Variants in ACVR2A observed in about 807,000 individuals in gnomAD.
ACVR2A encodes activin A receptor type 2A.
ACVR2A carries 7 observed loss-of-function variants against 61.4 expected under a neutral mutation model. That is an observed-to-expected ratio of 0.11 (90% confidence interval 0.06 to 0.21). ACVR2A has a LOEUF of 0.21. Ranked by LOEUF, ACVR2A falls within the 10% of genes least tolerant of loss-of-function variation. ACVR2A has a pLI of 1.00. For synonymous variants in ACVR2A, 193 were observed against 208.3 expected, an observed-to-expected ratio of 0.93 and a Z score of 0.63; for missense variants, 322 against 621.7, an observed-to-expected ratio of 0.52 and a Z score of 5.13.
At chr2:147,878,042 T>G (rs1686203657) in intron 1 of ACVR2A, among the ~76,000 whole-genome samples, 1 of 152,196 alleles carries the variant, frequency 6.6e-6, no homozygotes. Flanking sequence ...TTTTTTCCAT[T>G]AAATTATGAG....
intron 1 of ACVR2A, among the ~76,000 whole-genome samples, chr2:147,861,266 A>T (rs1466004109): frequency 6.6e-6 from 1 of 152,216 alleles, no homozygotes; most frequent in Non-Finnish European, 1.5e-5. Context: ...CAGTATATTT[A>T]TTGAGAAACT....
chr2:147,877,211 A>T (rs1686180976), intron 1 of ACVR2A, among the ~76,000 whole-genome samples: 2 of 152,052 alleles, frequency 1.3e-5, no homozygotes, highest in African/African-American at 4.8e-5. Flanking sequence ...ACTAGTAAGA[A>T]TTTTTTTGTC....
chr2:147,860,904 A>G (rs1244366007), intron 1 of ACVR2A, among the ~76,000 whole-genome samples: 4 of 152,150 alleles, frequency 2.6e-5, no homozygotes, highest in African/African-American at 9.7e-5. Flanking sequence ...CTGTATTATA[A>G]TATCTTGTTA....
At chr2:147,922,263 G>C (rs1687399257) in intron 8 of ACVR2A, among the ~76,000 whole-genome samples, 4 of 151,980 alleles carry the variant, frequency 2.6e-5, no homozygotes, top group African/African-American at 9.7e-5. Context: ...TTTTAGTCTA[G>C]AGTAGAGATT....
At chr2:147,877,197 G>T (rs1316587792) in intron 1 of ACVR2A, among the ~76,000 whole-genome samples, 1 of 152,020 alleles carries the variant, frequency 6.6e-6, no homozygotes, top group African/African-American at 2.4e-5. Flanking sequence ...TCTTTCAGTG[G>T]CCCACTAGTA....
Position 147,928,377 on chromosome 2 carries a change from TGTC to T in ACVR2A, c.*1106_*1108del, listed in dbSNP as rs1163105265. On this transcript the variant is annotated 3_prime_UTR_variant, in exon 11 of 11. Transcript: ENST00000241416. ...ACTGTTTTAGGATCACCTCAGGAAGTGTCGTTACCCAGAATTCCCCACTGTCTG... is the reference window on the plus strand; with the variant it reads ...ACTGTTTTAGGATCACCTCAGGAAGTGTTACCCAGAATTCCCCACTGTCTG... 2.0e-5 allele frequency: 3 copies of T among 152,292 alleles called. No homozygotes were observed. Among genetic ancestry groups the T allele is most frequent in the East Asian group, 3.9e-4 (2 of 5,164 alleles). The allele number at this position is 152,292 out of a possible 1,614,324, so 9.4% of individuals were successfully genotyped here.
chr2:147,924,131 A>C (rs377744602), intron 9 of ACVR2A, among the ~76,000 whole-genome samples: 1 of 152,112 alleles, frequency 6.6e-6, no homozygotes, highest in African/African-American at 2.4e-5. Flanking sequence ...CTTTAGGAAG[A>C]AGCGTTAAGA....
At chr2:147,926,446 G>GA (rs1200578777) in intron 10 of ACVR2A, among the ~76,000 whole-genome samples, 1 of 151,944 alleles carries the variant, frequency 6.6e-6, no homozygotes, top group East Asian at 1.9e-4. Context: ...GCCAGACTCG[G>GA]AAACTGTGGA....
chr2:147,880,885 C>G (rs1686281798), intron 1 of ACVR2A, among the ~76,000 whole-genome samples: 2 of 152,152 alleles, frequency 1.3e-5, no homozygotes, highest in South Asian at 4.1e-4. Context: ...TCAAAGTGTC[C>G]TGCCCAGGGG....
chr2:147,899,269 T>C (rs1686817000), intron 2 of ACVR2A, 189 bp from the exon 3 acceptor site: 1 of 418,830 alleles, frequency 2.4e-6, no homozygotes, highest in Non-Finnish European at 4.1e-6. Flanking sequence ...GTTAATTTTT[T>C]TTTCTTAAGA....
intron 1 of ACVR2A, among the ~76,000 whole-genome samples, chr2:147,860,261 A>G (rs1201919565): frequency 1.3e-5 from 2 of 152,066 alleles, no homozygotes; most frequent in Non-Finnish European, 2.9e-5. Flanking sequence ...TAATATAATC[A>G]TGTCTTTAGC....
chr2:147,914,409 T>C (rs1687198747), intron 4 of ACVR2A, among the ~76,000 whole-genome samples: 1 of 152,010 alleles, frequency 6.6e-6, no homozygotes, highest in Admixed American at 6.6e-5. Context: ...TTCCTATTTA[T>C]ATATTATGTT....
chr2:147,911,503 G>A (rs1422288228), intron 4 of ACVR2A, among the ~76,000 whole-genome samples: 1 of 151,854 alleles, frequency 6.6e-6, no homozygotes, highest in African/African-American at 2.4e-5. Flanking sequence ...GATATGAATC[G>A]TAATTTCTTT....
At chr2:147,894,958 A>G (rs1289161462) in intron 1 of ACVR2A, among the ~76,000 whole-genome samples, 1 of 152,116 alleles carries the variant, frequency 6.6e-6, no homozygotes, top group African/African-American at 2.4e-5. Context: ...ATTTTTTTCA[A>G]TAAGTATGTT....
chr2:147,908,600 C>T (rs1355763965), intron 4 of ACVR2A, among the ~76,000 whole-genome samples: 1 of 152,144 alleles, frequency 6.6e-6, no homozygotes, highest in African/African-American at 2.4e-5. Flanking sequence ...ATTGTCCTCG[C>T]ATATACTGTA....
At chr2:147,906,155 C>G (rs552995544) in intron 4 of ACVR2A, among the ~76,000 whole-genome samples, 1 of 152,170 alleles carries the variant, frequency 6.6e-6, no homozygotes, top group South Asian at 2.1e-4. Flanking sequence ...CTTGTTCTTT[C>G]ATTCCTAGTT....
At chr2:147,920,129 A>AT in intron 7 of ACVR2A, 101 bp from the exon 8 acceptor site, 1 of 730,188 alleles carries the variant, frequency 1.4e-6, no homozygotes, top group Non-Finnish European at 2.3e-6. Flanking sequence ...TTAAGTAACT[A>AT]TTTTTTCATA....
At position 147,845,126 on chromosome 2, in the gene ACVR2A, C is replaced by T; in HGVS notation, c.-27C>T. The T allele has an allele frequency of 6.2e-7, 1 of 1,606,542 alleles. No individual in the cohort carries two copies. Among genetic ancestry groups the T allele is most frequent in the South Asian group, 1.1e-5 (1 of 90,914 alleles). On this transcript the variant is annotated 5_prime_UTR_variant, in exon 1 of 11. Transcript: ENST00000241416. ...GAACTGGATATCTAGCGAGAACTTC[C>T]TCCGGATTCCCCGGCGCCTCGGGAA...
chr2:147,916,985 A>G (rs77423955), intron 5 of ACVR2A, among the ~76,000 whole-genome samples: 3,763 of 152,054 alleles, frequency 0.025, 57 homozygotes, highest in South Asian at 0.057. Context: ...TAATACTTGC[A>G]GTAACTTACG....
Sources: gnomAD v4.1 joint callset for allele counts (sites outside exome capture counted in the v4.1 genomes callset) on GRCh38, gnomAD v4.1.1 for gene constraint, MANE v1.5 for transcripts, NCBI Gene and HGNC (gene_info 2026-07-23, HGNC 2026-07-21) for gene names.